Variants in TMCO1 observed in about 807,000 individuals in gnomAD.
TMCO1 encodes the protein transmembrane and coiled-coil domains 1.
A neutral mutation model predicts 29.3 loss-of-function variants in TMCO1; 29 were observed. The observed-to-expected ratio is 0.99, with a 90% CI of 0.74 to 1.35. TMCO1 has a LOEUF of 1.35. Among genes scored for constraint, TMCO1 ranks in the 40% most tolerant of loss-of-function variants. TMCO1 has a pLI of 0.00. For synonymous variants in TMCO1, 80 were observed against 77.1 expected, an observed-to-expected ratio of 1.04 and a Z score of -0.20; for missense variants, 173 against 225.5, an observed-to-expected ratio of 0.77 and a Z score of 1.49.
chr1:165,724,757 G>A (rs1650782773), downstream of TMCO1: 1 of 453,620 alleles, frequency 2.2e-6, no homozygotes, highest in African/African-American at 2.0e-5. Context: ...GACATCTATA[G>A]ACAACACATT....
chr1:165,764,787 A>C (rs1652511962), intron 2 of TMCO1, among the ~76,000 whole-genome samples: 1 of 152,218 alleles, frequency 6.6e-6, no homozygotes. Context: ...AAAGACAAGT[A>C]ACATAATCAG....
At chr1:165,751,129 C>G (rs1465459827) in intron 5 of TMCO1, among the ~76,000 whole-genome samples, 1 of 152,136 alleles carries the variant, frequency 6.6e-6, no homozygotes, top group East Asian at 1.9e-4. Context: ...CTGTCAAACT[C>G]AGTTCCATAA....
At chr1:165,742,144 C>G (rs1651619355) in intron 6 of TMCO1, among the ~76,000 whole-genome samples, 2 of 152,182 alleles carry the variant, frequency 1.3e-5, no homozygotes, top group African/African-American at 4.8e-5. Context: ...TTTTATGTTC[C>G]TATTTACTGC....
intron 6 of TMCO1, among the ~76,000 whole-genome samples, chr1:165,728,876 C>G (rs1258330902): frequency 6.6e-6 from 1 of 151,964 alleles, no homozygotes; most frequent in African/African-American, 2.4e-5. Flanking sequence ...GTGGGTAGAT[C>G]ACTTGAGGCT....
intron 6 of TMCO1, among the ~76,000 whole-genome samples, chr1:165,728,696 T>C (rs1047399923): frequency 6.6e-6 from 1 of 152,128 alleles, no homozygotes; most frequent in Non-Finnish European, 1.5e-5. Context: ...AAGGAGATAA[T>C]TTTTTTAACA....
intron 6 of TMCO1, among the ~76,000 whole-genome samples, chr1:165,735,785 G>A (rs1385495193): frequency 1.3e-5 from 2 of 152,122 alleles, no homozygotes; most frequent in Non-Finnish European, 2.9e-5. Context: ...AAAATGCTGG[G>A]ATTACAGGCA....
chr1:165,725,909 G>C, downstream of TMCO1: 1 of 614,228 alleles, frequency 1.6e-6, no homozygotes, highest in Non-Finnish European at 3.0e-6. Context: ...AGGGTGAATA[G>C]ATGTAATCTC....
At chr1:165,758,622 C>T (rs947257508) in intron 3 of TMCO1, among the ~76,000 whole-genome samples, 6 of 152,054 alleles carry the variant, frequency 3.9e-5, no homozygotes, top group African/African-American at 1.4e-4. Flanking sequence ...TATCATCCTG[C>T]ATAGTAATCA....
rs112167809 is a variant in TMCO1, at chr1:165,761,401, G to A, written c.149-1817C>T. Among the ~76,000 whole-genome samples the A allele has an allele frequency of 4.8e-3, 724 of 152,106 alleles. 9 individuals carry two copies. The highest frequency in any genetic ancestry group is 0.017 in the African/African-American group (685 of 41,498). On this transcript the variant is annotated intron_variant, in intron 2 of 6. Transcript: ENST00000367881. ...AATTGAAAAATTAGCCGAGTGTGGT[G>A]GCACATGCCTATAGTCCCAGCTACT...
At chr1:165,747,728 T>TA (rs1651851622) in intron 5 of TMCO1, among the ~76,000 whole-genome samples, 1 of 152,200 alleles carries the variant, frequency 6.6e-6, no homozygotes, top group Non-Finnish European at 1.5e-5. Flanking sequence ...GTGTGGACTT[T>TA]AGAGTCTGAG....
chr1:165,730,269 G>A (rs1651096985), intron 6 of TMCO1, among the ~76,000 whole-genome samples: 1 of 152,028 alleles, frequency 6.6e-6, no homozygotes, highest in Non-Finnish European at 1.5e-5. Flanking sequence ...CCCAGGGGGC[G>A]GAGCCTGCAG....
chr1:165,761,274 C>G (rs1652393346), intron 2 of TMCO1, among the ~76,000 whole-genome samples: 1 of 152,038 alleles, frequency 6.6e-6, no homozygotes, highest in East Asian at 1.9e-4. Context: ...GTGGCTCAAA[C>G]CTGTAATCCC....
intron 3 of TMCO1, 130 bp from the exon 4 acceptor site, chr1:165,754,404 C>A: frequency 1.4e-6 from 1 of 719,330 alleles, no homozygotes; most frequent in Non-Finnish European, 2.5e-6. Flanking sequence ...GATGAAAACA[C>A]CTGGGATAGT....
chr1:165,768,436 T>G, intron 1 of TMCO1, 167 bp from the exon 2 acceptor site: 1 of 1,522,130 alleles, frequency 6.6e-7, no homozygotes, highest in Non-Finnish European at 8.8e-7. Context: ...AAAACAACAG[T>G]AACATGATGT....
At chr1:165,765,324 GC>G (rs1260122652) in intron 2 of TMCO1, among the ~76,000 whole-genome samples, 1 of 152,098 alleles carries the variant, frequency 6.6e-6, no homozygotes, top group Non-Finnish European at 1.5e-5. Flanking sequence ...TGCACTGTTG[GC>G]CAAGCTGGAG....
chr1:165,733,599 A>G (rs10918269), intron 6 of TMCO1, among the ~76,000 whole-genome samples: 4,952 of 151,302 alleles, frequency 0.033, 235 homozygotes, highest in African/African-American at 0.11. Context: ...CCATCTCAAA[A>G]AAAACAAAAA....
intron 6 of TMCO1, among the ~76,000 whole-genome samples, chr1:165,740,765 C>T (rs1461535289): frequency 6.6e-6 from 1 of 152,210 alleles, no homozygotes; most frequent in Non-Finnish European, 1.5e-5. Context: ...GGTTCCTTAT[C>T]ACGAGTGGCT....
At chr1:165,726,717 T>C (rs1376098417), downstream of TMCO1, 8 of 454,058 alleles carry the variant, frequency 1.8e-5, no homozygotes, top group Non-Finnish European at 3.1e-5. Flanking sequence ...CATTGTTTCT[T>C]GTATGCCATA....
At chr1:165,748,320 G>A (rs1651875159) in intron 5 of TMCO1, among the ~76,000 whole-genome samples, 1 of 152,204 alleles carries the variant, frequency 6.6e-6, no homozygotes, top group Admixed American at 6.5e-5. Context: ...GGAGACACCT[G>A]AGGGAGCGAA....
Sources: gnomAD v4.1 joint callset for allele counts (sites outside exome capture counted in the v4.1 genomes callset) on GRCh38, gnomAD v4.1.1 for gene constraint, MANE v1.5 for transcripts, NCBI Gene and HGNC (gene_info 2026-07-23, HGNC 2026-07-21) for gene names.